TMEM163: variants seen among roughly 807,000 people sequenced by gnomAD.
The protein encoded by TMEM163 is transmembrane protein 163.
A neutral mutation model predicts 29.3 loss-of-function variants in TMEM163; 17 were observed. That is an observed-to-expected ratio of 0.58 (90% confidence interval 0.40 to 0.87). The LOEUF (loss-of-function observed/expected upper bound fraction) is 0.87. Among genes scored for constraint, TMEM163 ranks in the 40% least tolerant of loss-of-function variants. TMEM163 has a pLI of 0.00. For missense variants in TMEM163, 303 were observed against 381.5 expected, an observed-to-expected ratio of 0.79 and a Z score of 1.71; for synonymous variants, 157 against 160.6, an observed-to-expected ratio of 0.98 and a Z score of 0.17.
chr2:134,500,287 G>A (rs1349197898), intron 5 of TMEM163, among the ~76,000 whole-genome samples: 2 of 152,236 alleles, frequency 1.3e-5, no homozygotes, highest in African/African-American at 4.8e-5. Flanking sequence ...CAGGGGCCTG[G>A]CTGTCACCTG....
chr2:134,657,394 T>C (rs949637226), intron 2 of TMEM163, among the ~76,000 whole-genome samples: 1 of 152,220 alleles, frequency 6.6e-6, no homozygotes, highest in Middle Eastern at 3.2e-3. Flanking sequence ...TACAGCAACA[T>C]GCATAAAGCT....
intron 2 of TMEM163, among the ~76,000 whole-genome samples, chr2:134,553,963 C>G (rs539653753): frequency 1.3e-5 from 2 of 152,302 alleles, no homozygotes; most frequent in East Asian, 3.9e-4. Context: ...GTTAACTAAG[C>G]GTAACAAAAT....
intron 6 of TMEM163, among the ~76,000 whole-genome samples, chr2:134,464,858 T>C (rs941150162): frequency 2.6e-5 from 4 of 152,086 alleles, no homozygotes; most frequent in Non-Finnish European, 2.9e-5. Flanking sequence ...TGGCTTCCCA[T>C]GTCCCTGCCC....
At chr2:134,532,968 A>T (rs2106499832) in intron 4 of TMEM163, among the ~76,000 whole-genome samples, 1 of 152,314 alleles carries the variant, frequency 6.6e-6, no homozygotes, top group East Asian at 1.9e-4. Flanking sequence ...ACCAGCCTTC[A>T]TTCTCATTCA....
chr2:134,471,618 T>C (rs1023453401), intron 5 of TMEM163, among the ~76,000 whole-genome samples: 3 of 152,190 alleles, frequency 2.0e-5, no homozygotes, highest in Admixed American at 2.0e-4. Context: ...AAAGGAAGTT[T>C]CTGAGAAGAT....
rs1423388960 is a variant in TMEM163 at position 134,617,421 on chromosome 2, G to A, written c.323-65330C>T. On this transcript the variant is annotated intron_variant, in intron 2 of 7. Transcript: ENST00000281924. Reference sequence around the variant, plus strand: ...AGGTCAGGAATTTTAGACCAGCCTGGCCAACATGTACTCTACTAAAAAAGT... The same window carrying A: ...AGGTCAGGAATTTTAGACCAGCCTGACCAACATGTACTCTACTAAAAAAGT... Among the ~76,000 whole-genome samples, 4 of 152,074 alleles carry A rather than the reference G, an allele frequency of 2.6e-5. No individual in the cohort carries two copies. The East Asian group carries it at 7.7e-4, about 29-fold the overall frequency.
chr2:134,620,519 A>G (rs1477655420), intron 2 of TMEM163, among the ~76,000 whole-genome samples: 1 of 152,172 alleles, frequency 6.6e-6, no homozygotes, highest in African/African-American at 2.4e-5. Flanking sequence ...GGCCTCCCAA[A>G]GTGCTGGGAT....
chr2:134,468,525 C>T (rs1401544273), intron 5 of TMEM163: 1 of 152,270 alleles, frequency 6.6e-6, no homozygotes, highest in Non-Finnish European at 1.5e-5. Context: ...CAGGTGCTAA[C>T]AGGACTCAGG....
chr2:134,535,438 T>C (rs1245729697), intron 4 of TMEM163, among the ~76,000 whole-genome samples: 1 of 152,204 alleles, frequency 6.6e-6, no homozygotes, highest in African/African-American at 2.4e-5. Flanking sequence ...TTATTAACTC[T>C]TCCATGTAAG....
intron 4 of TMEM163, among the ~76,000 whole-genome samples, chr2:134,542,463 C>T (rs984899193): frequency 2.6e-5 from 4 of 152,148 alleles, no homozygotes; most frequent in Admixed American, 6.5e-5. Flanking sequence ...ACCAGGGGTC[C>T]GCAATCCCCA....
chr2:134,578,476 G>T (rs189877819), intron 2 of TMEM163, among the ~76,000 whole-genome samples: 1 of 152,200 alleles, frequency 6.6e-6, no homozygotes, highest in Admixed American at 6.5e-5. Flanking sequence ...TGTCATGCCC[G>T]TGAACAGAGA....
chr2:134,516,630 T>TATATATTCATACTTATATTCATAC (rs1469281341), intron 4 of TMEM163, among the ~76,000 whole-genome samples: 10 of 148,204 alleles, frequency 6.7e-5, no homozygotes, highest in African/African-American at 2.5e-4. Flanking sequence ...TATATTTTTA[T>TATATATTCATACTTATATTCATAC]ATATATTCAT....
intron 5 of TMEM163, chr2:134,467,585 G>A (rs763891839): frequency 1.3e-5 from 2 of 152,160 alleles, no homozygotes; most frequent in Admixed American, 6.5e-5. Flanking sequence ...GACTCCTCAC[G>A]TGTCAAGGTC....
intron 2 of TMEM163, among the ~76,000 whole-genome samples, chr2:134,584,085 A>T (rs1390816365): frequency 6.6e-6 from 1 of 152,212 alleles, no homozygotes; most frequent in East Asian, 1.9e-4. Flanking sequence ...ATCTCTGCAC[A>T]GGAAATGCAG....
intron 2 of TMEM163, among the ~76,000 whole-genome samples, chr2:134,564,585 T>C (rs2104779937): frequency 6.6e-6 from 1 of 152,310 alleles, no homozygotes; most frequent in South Asian, 2.1e-4. Flanking sequence ...ATCGAGTTTA[T>C]TGAGAAGATA....
chr2:134,538,378 G>A (rs138944756), intron 4 of TMEM163, among the ~76,000 whole-genome samples: 4 of 152,296 alleles, frequency 2.6e-5, no homozygotes, highest in Admixed American at 6.5e-5. Flanking sequence ...AACGTCTGTT[G>A]TTTATAAGCC....
In TMEM163 at chr2:134,583,367, G is replaced by A. The variant is rs573705652; in HGVS notation, c.323-31276C>T. On this transcript the variant is annotated intron_variant, in intron 2 of 7. Coordinates refer to ENST00000281924, the MANE Select transcript of TMEM163 (RefSeq NM_030923.5). ...CATGTAAGTTTCTAATAAATAGTTC[G>A]CATCATTATTACCTTCTGGGCGCTT... 9.2e-5 allele frequency among the ~76,000 whole-genome samples: 14 copies of A among 152,272 alleles called. No individual in the cohort carries two copies. In the East Asian group the frequency reaches 1.7e-3, roughly 19 times the overall value.
chr2:134,646,248 C>T (rs569353527), intron 2 of TMEM163, among the ~76,000 whole-genome samples: 36 of 151,718 alleles, frequency 2.4e-4, no homozygotes, highest in Admixed American at 5.9e-4. Flanking sequence ...CCACATCTGG[C>T]GAATTTTTCT....
chr2:134,718,712 G>A, intron 1 of TMEM163, 22 bp downstream of exon 1: 3 of 1,143,386 alleles, frequency 2.6e-6, no homozygotes, highest in Non-Finnish European at 3.2e-6. Context: ...GTCGCCGGCC[G>A]GGTCGGGCAG....
Sources: gnomAD v4.1 joint callset for allele counts (sites outside exome capture counted in the v4.1 genomes callset) on GRCh38, gnomAD v4.1.1 for gene constraint, MANE v1.5 for transcripts, NCBI Gene and HGNC (gene_info 2026-07-23, HGNC 2026-07-21) for gene names.